GOT1: variants seen among roughly 807,000 people sequenced by gnomAD.
GOT1 encodes the protein aspartate aminotransferase, cytoplasmic.
Under a neutral mutation model 48.2 loss-of-function variants are expected in GOT1, and 25 were observed. That is an observed-to-expected ratio of 0.52 (90% confidence interval 0.38 to 0.72). GOT1 has a LOEUF of 0.72. Among genes scored for constraint, GOT1 ranks in the 30% least tolerant of loss-of-function variants. The probability of loss-of-function intolerance (pLI) is 0.00; values close to 1 mark genes in which losing one functional copy is unlikely to be tolerated. For missense variants in GOT1, 380 were observed against 520.1 expected, an observed-to-expected ratio of 0.73 and a Z score of 2.62; for synonymous variants, 188 against 193.8, an observed-to-expected ratio of 0.97 and a Z score of 0.25.
Position 99,403,551 on chromosome 10 carries a change from G to A in GOT1, c.877C>T (p.Arg293Trp). The A allele has an allele frequency of 1.9e-6, 3 of 1,613,964 alleles. No homozygotes were observed. The highest frequency in any genetic ancestry group is 1.7e-6 in the Non-Finnish European group (2 of 1,179,886). The change falls in exon 7 of 9, where the codon CGG becomes TGG. Residue 293 changes from arginine to tryptophan, a missense_variant. Physicochemically the swap from Arg to Trp is moderately radical, Grantham distance 101 (BLOSUM62 -3). Coordinates refer to ENST00000370508, the MANE Select transcript of GOT1 (RefSeq NM_002079.3). ...QVLSQMEKIV[R>W]ITWSNPPAQG... ...GCGGGGGGATTGGACCAAGTAATCCGCACGATCTTCTCCATCTGGGAAAGG... is the reference window on the plus strand; with the variant it reads ...GCGGGGGGATTGGACCAAGTAATCCACACGATCTTCTCCATCTGGGAAAGG...
chr10:99,398,800 G>A (rs2032632460), intron 8 of GOT1, among the ~76,000 whole-genome samples: 1 of 152,174 alleles, frequency 6.6e-6, no homozygotes. Context: ...GCCAGGCAGT[G>A]TTCTAAGCAC....
intron 2 of GOT1, among the ~76,000 whole-genome samples, chr10:99,413,801 A>C (rs1271396024): frequency 6.6e-6 from 1 of 152,230 alleles, no homozygotes; most frequent in Non-Finnish European, 1.5e-5. Context: ...TTCTTAAAGA[A>C]AAGAATTTTC....
At chr10:99,407,114 A>C (rs892818047) in intron 2 of GOT1, among the ~76,000 whole-genome samples, 2 of 152,188 alleles carry the variant, frequency 1.3e-5, no homozygotes, top group African/African-American at 4.8e-5. Context: ...TCTTCAACCC[A>C]GGAGGTCTGA....
chr10:99,418,437 C>T (rs1316434172), intron 2 of GOT1, among the ~76,000 whole-genome samples: 3 of 151,186 alleles, frequency 2.0e-5, no homozygotes, highest in Non-Finnish European at 2.9e-5. Context: ...CAACAGAATT[C>T]CAACTAATTT....
chr10:99,421,414 C>A (rs2032965111), intron 1 of GOT1, among the ~76,000 whole-genome samples: 1 of 152,164 alleles, frequency 6.6e-6, no homozygotes, highest in Non-Finnish European at 1.5e-5. Flanking sequence ...ACCCAAGGAC[C>A]CACTTAAACA....
intron 2 of GOT1, among the ~76,000 whole-genome samples, chr10:99,415,636 C>A (rs1469136450): frequency 6.6e-6 from 1 of 152,086 alleles, no homozygotes; most frequent in Non-Finnish European, 1.5e-5. Context: ...AGAGACACAA[C>A]CAAAAAAGAG....
intron 1 of GOT1, among the ~76,000 whole-genome samples, chr10:99,425,178 G>A (rs1268393423): frequency 1.3e-5 from 2 of 152,230 alleles, no homozygotes; most frequent in African/African-American, 4.8e-5. Flanking sequence ...GAGTTTAAAA[G>A]GTAAACAAGG....
In GOT1 at chr10:99,397,776, C is replaced by T; in HGVS notation, c.1103-90G>A. ...CAATTATATGACAATTACAGCTTTA[C>T]TTCTTTCCCCTTAACAGAGAGAAGC... On this transcript the variant is annotated intron_variant, in intron 8 of 8. Transcript: ENST00000370508. The surrounding 1 kb of genome is among the most constrained non-coding windows in gnomAD (Gnocchi z 5.4). The T allele has an allele frequency of 5.6e-6, 7 of 1,239,630 alleles. No individual in the cohort carries two copies. In the South Asian group the frequency reaches 7.7e-5, roughly 14 times the overall value. The allele number at this position is 1,239,630 out of a possible 1,614,324, so 76.8% of individuals were successfully genotyped here. A position where few individuals can be genotyped will look rare whatever the true frequency, so the allele number is the denominator to read the frequency against.
chr10:99,417,998 T>TA (rs1404543845), intron 2 of GOT1, among the ~76,000 whole-genome samples: 1 of 151,588 alleles, frequency 6.6e-6, no homozygotes, highest in Non-Finnish European at 1.5e-5. Context: ...CATGTATACA[T>TA]ATGTAACAAA....
chr10:99,402,529 T>C (rs767626941), intron 8 of GOT1, 51 bp downstream of exon 8: 19 of 1,598,406 alleles, frequency 1.2e-5, no homozygotes, highest in Admixed American at 1.2e-4. Flanking sequence ...CTGAAAGGAA[T>C]GTTGTGTGTC....
chr10:99,399,374 T>TC (rs1388713843), intron 8 of GOT1, among the ~76,000 whole-genome samples: 1 of 152,226 alleles, frequency 6.6e-6, no homozygotes, highest in Non-Finnish European at 1.5e-5. Context: ...TCTGGCAAGC[T>TC]CCAAGCTCCC....
chr10:99,427,307 T>C (rs185112782), intron 1 of GOT1, among the ~76,000 whole-genome samples: 9 of 152,296 alleles, frequency 5.9e-5, no homozygotes, highest in African/African-American at 1.2e-4. Context: ...CTCACTCTGT[T>C]GCCCAGGCTG....
At chr10:99,403,377 A>C in intron 7 of GOT1, 92 bp downstream of exon 7, 1 of 1,072,448 alleles carries the variant, frequency 9.3e-7, no homozygotes, top group East Asian at 2.4e-5. Flanking sequence ...TGCTTCTGCC[A>C]AAATGAAAGG....
intron 1 of GOT1, among the ~76,000 whole-genome samples, chr10:99,428,050 T>C (rs1049716896): frequency 3.3e-5 from 5 of 152,212 alleles, no homozygotes; most frequent in African/African-American, 7.2e-5. Context: ...TCTGAGTCCA[T>C]TGCTTCTGGC....
intron 2 of GOT1, among the ~76,000 whole-genome samples, chr10:99,411,596 T>C (rs2032828773): frequency 1.3e-5 from 2 of 152,232 alleles, no homozygotes; most frequent in Non-Finnish European, 2.9e-5. Context: ...CCTGCTCCAT[T>C]TTTATAGCAT....
At chr10:99,406,318 G>A (rs1414047205) in intron 3 of GOT1, 69 bp from the exon 4 acceptor site, 2 of 1,143,496 alleles carry the variant, frequency 1.7e-6, no homozygotes. Context: ...AAGGATGCAA[G>A]TCAGCTTCCA....
chr10:99,400,373 C>T (rs971038054), intron 8 of GOT1, among the ~76,000 whole-genome samples: 4 of 152,230 alleles, frequency 2.6e-5, no homozygotes, highest in Non-Finnish European at 4.4e-5. Context: ...TGGCCAGGTG[C>T]AGTGGCTCAT....
At chr10:99,425,203 G>A (rs1294529275) in intron 1 of GOT1, among the ~76,000 whole-genome samples, 5 of 152,262 alleles carry the variant, frequency 3.3e-5, no homozygotes, top group South Asian at 2.1e-4. Context: ...AAGGGCATGC[G>A]AGAGGGCACA....
At chr10:99,428,121 A>G (rs548116079) in intron 1 of GOT1, among the ~76,000 whole-genome samples, 3 of 152,284 alleles carry the variant, frequency 2.0e-5, no homozygotes, top group Non-Finnish European at 4.4e-5. Flanking sequence ...AAGGTCATAA[A>G]TTAGTTCATT....
Sources: gnomAD v4.1 joint callset for allele counts (sites outside exome capture counted in the v4.1 genomes callset) on GRCh38, gnomAD v4.1.1 for gene constraint, Gnocchi (gnomAD v3.1) non-coding constraint, MANE v1.5 for transcripts, NCBI Gene and HGNC (gene_info 2026-07-23, HGNC 2026-07-21) for gene names.